OXGR1: variants seen among roughly 807,000 people sequenced by gnomAD.
OXGR1 encodes 2-oxoglutarate receptor 1.
A neutral mutation model predicts 10.0 loss-of-function variants in OXGR1; 10 were observed. The observed-to-expected ratio is 1.00, with a 90% CI of 0.62 to 1.70. OXGR1 has a LOEUF of 1.70. OXGR1 is among the 40% of genes most tolerant of loss of function. The probability of loss-of-function intolerance (pLI) is 0.00; values close to 1 mark genes in which losing one functional copy is unlikely to be tolerated. For synonymous variants in OXGR1, 191 were observed against 155.9 expected (o/e 1.22, Z -1.68); for missense variants, 398 against 407.6 (o/e 0.98, Z 0.20).
In OXGR1 at chr13:96,987,508, G is replaced by T; in HGVS notation, c.252C>A (p.Thr84=). 2 of 1,614,160 alleles carry T rather than the reference G, an allele frequency of 1.2e-6. No individual in the cohort carries two copies. Among genetic ancestry groups the T allele is most frequent in the Non-Finnish European group, 1.7e-6 (2 of 1,180,024 alleles). The part of the protein sequence containing the change: ...NLACTDLLYL[T]SLPFLIHYYA... ...AGTAGTGAATCAGGAAGGGGAGGCT[G>T]GTCAGATACAGCAGATCTGTGCAGG... The change falls in exon 4 of 4, where the codon ACC becomes ACA. Residue 84 remains threonine, a synonymous_variant. Transcript: ENST00000541038.
chr13:96,993,260 C>T (rs183246379), intron 1 of OXGR1, among the ~76,000 whole-genome samples: 18 of 152,248 alleles, frequency 1.2e-4, no homozygotes, highest in Admixed American at 4.6e-4. Flanking sequence ...GCTCTGTCGC[C>T]CAGACTGGAG....
Position 96,987,452 on chromosome 13 carries a change from T to A in OXGR1, c.308A>T (p.Asp103Val). The A allele has an allele frequency of 3.1e-6, 5 of 1,613,948 alleles. No homozygotes were observed. Among genetic ancestry groups the A allele is most frequent in the Non-Finnish European group, 4.2e-6 (5 of 1,180,002 alleles). ...GAAGCGGATAAACTTACACATGAAA[T>A]CTCCAAAGATCCAGTTTTCGCCACT... ...YASGENWIFG[D>V]FMCKFIRFSF... is the part of the protein sequence containing the mutation. Residue 103 changes from aspartate to valine, a missense_variant, in exon 4 of 4, where the codon GAT becomes GTT. Transcript: ENST00000541038.
Position 96,993,063 on chromosome 13 carries a change from T to C in OXGR1, c.-277-491A>G, listed in dbSNP as rs144580860. 3.5e-4 allele frequency among the ~76,000 whole-genome samples: 53 copies of C among 152,282 alleles called. 1 individual carries two copies. In the East Asian group the frequency reaches 9.8e-3, roughly 28 times the overall value. ...GAAAACTAATTGTACTTCATACTGG[T>C]GGAAAAGAGACCAATTCTTAAAACA... is the stretch of plus-strand genomic sequence containing the variant. On this transcript the variant is annotated intron_variant, in intron 1 of 3. Coordinates refer to ENST00000541038, the MANE Select transcript of OXGR1 (RefSeq NM_001346194.2).
In OXGR1 at chr13:96,987,610, G is replaced by T; in HGVS notation, c.150C>A (p.Gly50=). 6.2e-7 allele frequency: 1 copy of T among 1,614,122 alleles called. No individual in the cohort carries two copies. The highest frequency in any genetic ancestry group is 1.6e-4 in the Middle Eastern group (1 of 6,062). Residue 50 remains glycine, a synonymous_variant, in exon 4 of 4, where the codon GGC becomes GGA. Coordinates refer to ENST00000541038, the MANE Select transcript of OXGR1 (RefSeq NM_001346194.2). ...YGIIFLVGFP[G]NAVVISTYIF... ...TGTAAGTGGATATCACTACTGCATT[G>T]CCTGGAAATCCCACGAGGAAGATAA...
Position 96,986,823 on chromosome 13 carries a change from C to A in OXGR1, c.937G>T (p.Val313Phe), listed in dbSNP as rs1245931531. ...VVVSDNFQQAVCSTVRCKVSG... is the reference protein window; with the variant it reads ...VVVSDNFQQAFCSTVRCKVSG... ...ACTTTGCATCTCACTGTTGAGCAGACAGCCTGCTGAAAGTTGTCGCTGACC... is the reference window on the plus strand; with the variant it reads ...ACTTTGCATCTCACTGTTGAGCAGAAAGCCTGCTGAAAGTTGTCGCTGACC... Residue 313 changes from valine (V) to phenylalanine (F), a missense_variant, in exon 4 of 4, where the codon GTC becomes TTC. Transcript: ENST00000541038. 6.2e-7 allele frequency: 1 copy of A among 1,614,052 alleles called. No homozygotes were observed. Among genetic ancestry groups the A allele is most frequent in the African/African-American group, 1.3e-5 (1 of 74,928 alleles).
chr13:96,994,171 G>A (rs1437574030), intron 1 of OXGR1, 127 bp downstream of exon 1: 2 of 152,360 alleles, frequency 1.3e-5, no homozygotes, highest in Admixed American at 6.5e-5. Flanking sequence ...CCTGCTGCAG[G>A]GACGTGCGGG....
chr13:96,991,892 T>G (rs147925355), intron 2 of OXGR1, among the ~76,000 whole-genome samples: 1 of 152,246 alleles, frequency 6.6e-6, no homozygotes, highest in African/African-American at 2.4e-5. Flanking sequence ...TGGAGTACTA[T>G]TCAGCCATAA....
At chr13:96,992,067 T>C (rs1278292071) in intron 2 of OXGR1, among the ~76,000 whole-genome samples, 2 of 151,208 alleles carry the variant, frequency 1.3e-5, no homozygotes, top group Admixed American at 1.3e-4. Flanking sequence ...AGTAGAAGGA[T>C]GGTTACCAGA....
chr13:96,992,635 A>G (rs1490990441), intron 1 of OXGR1, 63 bp from the exon 2 acceptor site: 1 of 152,186 alleles, frequency 6.6e-6, no homozygotes, highest in Non-Finnish European at 1.5e-5. Context: ...ATACTACTTC[A>G]CCTCCACAGA....
In OXGR1 at chr13:96,987,604, T is replaced by C; in HGVS notation, c.156A>G (p.Ala52=). ...IIFLVGFPGN[A]VVISTYIFKM... is the part of the protein sequence containing the mutation. ...TGAAAATGTAAGTGGATATCACTACTGCATTGCCTGGAAATCCCACGAGGA... is the reference window on the plus strand; with the variant it reads ...TGAAAATGTAAGTGGATATCACTACCGCATTGCCTGGAAATCCCACGAGGA... Residue 52 remains alanine, a synonymous_variant, in exon 4 of 4, where the codon GCA becomes GCG. Coordinates refer to ENST00000541038, the MANE Select transcript of OXGR1 (RefSeq NM_001346194.2). The C allele has an allele frequency of 1.2e-6, 2 of 1,614,164 alleles. No individual in the cohort carries two copies. The highest frequency in any genetic ancestry group is 1.7e-6 in the Non-Finnish European group (2 of 1,180,018).
chr13:96,987,920 T>C, intron 3 of OXGR1, 87 bp from the exon 4 acceptor site: 4 of 954,076 alleles, frequency 4.2e-6, no homozygotes, highest in Admixed American at 3.7e-5. Context: ...ACATCCTAAA[T>C]TTGCCACTTC....
At position 96,994,396 on chromosome 13, in the gene OXGR1, G is replaced by T. The variant is rs1394787751; in HGVS notation, c.-376C>A. 3 of 82,250 alleles carry T rather than the reference G, an allele frequency of 3.6e-5. No individual in the cohort carries two copies. The highest frequency in any genetic ancestry group is 4.5e-5 in the African/African-American group (1 of 22,410). 5.1% of individuals were successfully genotyped at this position (82,250 alleles called of 1,614,324 possible). A position where few individuals can be genotyped will look rare whatever the true frequency, so the allele number is the denominator to read the frequency against. On this transcript the variant is annotated 5_prime_UTR_variant, in exon 1 of 4. Transcript: ENST00000541038. Reference sequence around the variant, plus strand: ...TCCCGGGGAGGCTGCGCACCGCCCCGCCCCTCCCACCCCTCCGAGGCCCAG... The same window carrying T: ...TCCCGGGGAGGCTGCGCACCGCCCCTCCCCTCCCACCCCTCCGAGGCCCAG...
At chr13:96,989,075 G>GAA (rs199633208) in intron 3 of OXGR1, among the ~76,000 whole-genome samples, 5 of 151,624 alleles carry the variant, frequency 3.3e-5, no homozygotes, top group South Asian at 2.1e-4. Context: ...TTAAAAATAG[G>GAA]AAAAAAAACT....
rs765322067 is a variant in OXGR1, at chr13:96,986,783, T to G, written c.977A>C (p.Glu326Ala). Residue 326 changes from glutamate to alanine, a missense_variant, in exon 4 of 4, where the codon GAG becomes GCG. Transcript: ENST00000541038. Reference protein sequence around the residue: ...TVRCKVSGNLEQAKKISYSNN... With the variant: ...TVRCKVSGNLAQAKKISYSNN... ...TGAGTAACTAATTTTCTTTGCTTGC[T>G]CAAGGTTCCCGCTTACTTTGCATCT... is the stretch of plus-strand genomic sequence containing the variant. 5.0e-6 allele frequency: 8 copies of G among 1,610,050 alleles called. No homozygotes were observed. The highest frequency in any genetic ancestry group is 1.3e-5 in the African/African-American group (1 of 74,726).
Position 96,989,809 on chromosome 13 carries a change from C to T in OXGR1, c.-126G>A, listed in dbSNP as rs534495379. On this transcript the variant is annotated splice_region_variant and 5_prime_UTR_variant, in exon 3 of 4. Coordinates refer to ENST00000541038, the MANE Select transcript of OXGR1 (RefSeq NM_001346194.2). ...TTTTGTTGATTTTCATCAGGATTAC[C>T]CTAAATAATAGAGGGAAAAACAAGT... 6.6e-6 allele frequency: 1 copy of T among 152,058 alleles called. No homozygotes were observed. Among genetic ancestry groups the T allele is most frequent in the Admixed American group, 6.5e-5 (1 of 15,280 alleles). The allele number at this position is 152,058 out of a possible 1,614,324, so 9.4% of individuals were successfully genotyped here. A position where few individuals can be genotyped will look rare whatever the true frequency, so the allele number is the denominator to read the frequency against.
chr13:96,992,329 G>T (rs1882096743), intron 2 of OXGR1, 93 bp downstream of exon 2: 1 of 152,096 alleles, frequency 6.6e-6, no homozygotes, highest in Non-Finnish European at 1.5e-5. Flanking sequence ...TTGCATGCCT[G>T]TATCAAAATA....
rs779759921 is a variant in OXGR1, at chr13:96,986,715, T to A, written c.*31A>T. 3.2e-6 allele frequency: 5 copies of A among 1,563,600 alleles called. No individual in the cohort carries two copies. Among genetic ancestry groups the A allele is most frequent in the Non-Finnish European group, 4.3e-6 (5 of 1,158,738 alleles). On this transcript the variant is annotated 3_prime_UTR_variant, in exon 4 of 4. Coordinates refer to ENST00000541038, the MANE Select transcript of OXGR1 (RefSeq NM_001346194.2). ...GGATGCTAGGTAAAGTATCAGCAAG[T>A]ATTTGTTTTTGGTTAAGTAAATGAA...
rs1881853325 is a variant in OXGR1, at chr13:96,987,760, G to T, written c.-1C>A. On this transcript the variant is annotated 5_prime_UTR_variant, in exon 4 of 4. Coordinates refer to ENST00000541038, the MANE Select transcript of OXGR1 (RefSeq NM_001346194.2). ...CTAAATAGTCTAGTGGCTCATTCAT[G>T]GTTGTCTCCTTTCATCTTGCAAGAA... The T allele has an allele frequency of 6.4e-7, 1 of 1,562,252 alleles. No homozygotes were observed. Among genetic ancestry groups the T allele is most frequent in the South Asian group, 1.2e-5 (1 of 81,650 alleles).
At position 96,987,235 on chromosome 13, in the gene OXGR1, G is replaced by T. The variant is rs749960855; in HGVS notation, c.525C>A (p.Thr175=). ...GACAGGCTGATCTGTTGGTCCTGTT[G>T]GTTGATGTGATCAAGAAGGTCATCG... The part of the protein sequence containing the change: ...VIPMTFLITS[T]NRTNRSACLD... Residue 175 remains threonine (T), a synonymous_variant, in exon 4 of 4, where the codon ACC becomes ACA. Transcript: ENST00000541038. 7 of 1,613,984 alleles carry T rather than the reference G, an allele frequency of 4.3e-6. No homozygotes were observed. In the South Asian group the frequency reaches 5.5e-5, roughly 13 times the overall value.
Sources: allele counts gnomAD v4.1 joint callset (sites outside exome capture counted in the v4.1 genomes callset), GRCh38; gene constraint gnomAD v4.1.1; transcripts MANE v1.5; gene names NCBI Gene and HGNC (gene_info 2026-07-23, HGNC 2026-07-21).